Variants in ADCY10 observed in about 807,000 individuals in gnomAD.
The protein encoded by ADCY10 is adenylate cyclase 10, also known as adenylate cyclase type 10.
A neutral mutation model predicts 183.3 loss-of-function variants in ADCY10; 156 were observed. That is an observed-to-expected ratio of 0.85 (90% confidence interval 0.75 to 0.97). ADCY10 has a LOEUF of 0.97. Ranked by LOEUF, ADCY10 falls within the 50% of genes least tolerant of loss-of-function variation. ADCY10 has a pLI of 0.00. For synonymous variants in ADCY10, 645 were observed against 670.0 expected, an observed-to-expected ratio of 0.96 and a Z score of 0.58; for missense variants, 1,745 against 1,934.3, an observed-to-expected ratio of 0.90 and a Z score of 1.84.
chr1:167,878,889 G>A (rs1667680343), intron 11 of ADCY10, among the ~76,000 whole-genome samples: 1 of 152,144 alleles, frequency 6.6e-6, no homozygotes, highest in African/African-American at 2.4e-5. Context: ...GGGATGGAAG[G>A]GGCTTGAGTA....
At chr1:167,861,730 T>C (rs1168304601) in intron 14 of ADCY10, among the ~76,000 whole-genome samples, 1 of 152,254 alleles carries the variant, frequency 6.6e-6, no homozygotes, top group Non-Finnish European at 1.5e-5. Context: ...ATTCAACTTT[T>C]AATGCTATCT....
intron 14 of ADCY10, among the ~76,000 whole-genome samples, chr1:167,862,505 C>A (rs1002657572): frequency 6.6e-6 from 1 of 152,104 alleles, no homozygotes; most frequent in Non-Finnish European, 1.5e-5. Context: ...TCCTCATGGT[C>A]CAGAGAAGAA....
intron 8 of ADCY10, among the ~76,000 whole-genome samples, chr1:167,892,374 T>C (rs1668658699): frequency 6.6e-6 from 1 of 152,212 alleles, no homozygotes; most frequent in South Asian, 2.1e-4. Flanking sequence ...GGACTTCTCT[T>C]CTTTGGGTTC....
At chr1:167,870,793 GC>G in intron 13 of ADCY10, among the ~76,000 whole-genome samples, 1 of 147,434 alleles carries the variant, frequency 6.8e-6, no homozygotes, top group East Asian at 2.0e-4. Flanking sequence ...TGGGCGACAA[GC>G]AAAACTCCAT....
At chr1:167,815,286 A>G (rs1406653821) in intron 31 of ADCY10, among the ~76,000 whole-genome samples, 7 of 152,214 alleles carry the variant, frequency 4.6e-5, no homozygotes, top group African/African-American at 1.7e-4. Flanking sequence ...GAAGAGGAAA[A>G]GGAACCATTT....
Position 167,901,468 on chromosome 1 carries a change from T to G in ADCY10, c.436+194A>C, listed in dbSNP as rs139216857. Among the ~76,000 whole-genome samples the G allele has an allele frequency of 3.9e-3, 599 of 152,310 alleles. 2 individuals are homozygous for G. Among genetic ancestry groups the G allele is most frequent in the Admixed American group, 7.3e-3 (111 of 15,306 alleles). ...GTAATAGCTTATTAGGTAGATATTA[T>G]GATTAACCCAAATTCTCTCAACTGG... On this transcript the variant is annotated intron_variant, in intron 5 of 32. Transcript: ENST00000367851.
chr1:167,895,183 A>G (rs1219252901), intron 7 of ADCY10, among the ~76,000 whole-genome samples: 1 of 150,494 alleles, frequency 6.6e-6, no homozygotes, highest in Non-Finnish European at 1.5e-5. Flanking sequence ...TCCATCTCAA[A>G]AAAAAAAAAA....
chr1:167,820,329 G>A, intron 30 of ADCY10: 2 of 967,642 alleles, frequency 2.1e-6, no homozygotes, highest in African/African-American at 1.7e-5. Context: ...AGCCGGCCTT[G>A]AGGGGCGGGG....
At position 167,880,183 on chromosome 1, in the gene ADCY10, G is replaced by A; in HGVS notation, c.1148C>T (p.Ser383Phe). Residue 383 changes from serine (S) to phenylalanine (F), a missense_variant, in exon 11 of 33, where the codon TCC (serine) becomes TTC (phenylalanine). Ser to Phe is a radical substitution (Grantham distance 155, BLOSUM62 -2). Transcript: ENST00000367851. ...GACAATCCCACTGGCAACACCGATG[G>A]ATACAGTTCTGGTGCAGGGGAGACA... ...CSQVHKIQTVSIGVASGIVFC... is the reference protein window; with the variant it reads ...CSQVHKIQTVFIGVASGIVFC... 1.2e-6 allele frequency: 2 copies of A among 1,612,794 alleles called. No individual in the cohort carries two copies. The highest frequency in any genetic ancestry group is 1.1e-5 in the South Asian group (1 of 90,620).
At chr1:167,828,398 A>G (rs1002498265) in intron 26 of ADCY10, among the ~76,000 whole-genome samples, 1 of 152,232 alleles carries the variant, frequency 6.6e-6, no homozygotes, top group Non-Finnish European at 1.5e-5. Context: ...CTTTTTAAAA[A>G]AGAATTATCC....
At chr1:167,843,138 G>C (rs549947212) in intron 21 of ADCY10, among the ~76,000 whole-genome samples, 6 of 152,120 alleles carry the variant, frequency 3.9e-5, no homozygotes, top group Non-Finnish European at 7.4e-5. Flanking sequence ...AGAGACATTT[G>C]GTCATATATG....
intron 8 of ADCY10, among the ~76,000 whole-genome samples, chr1:167,887,062 A>ACCAG (rs1668271873): frequency 6.6e-6 from 1 of 152,268 alleles, no homozygotes; most frequent in Non-Finnish European, 1.5e-5. Context: ...GCTGGAGAGG[A>ACCAG]TGTGGAGAAA....
intron 11 of ADCY10, 67 bp downstream of exon 11, chr1:167,880,048 C>T (rs559665335): frequency 5.9e-5 from 84 of 1,417,280 alleles, no homozygotes; most frequent in Non-Finnish European, 7.0e-5. Flanking sequence ...TGCTTCCTCC[C>T]GCAAAGCCCA....
At chr1:167,819,149 C>T (rs114756756) in intron 30 of ADCY10, among the ~76,000 whole-genome samples, 6 of 151,990 alleles carry the variant, frequency 3.9e-5, no homozygotes, top group African/African-American at 1.4e-4. Flanking sequence ...ACAATTCTTA[C>T]ATTGCATGAA....
intron 5 of ADCY10, 64 bp downstream of exon 5, chr1:167,901,598 G>A (rs1471332735): frequency 6.6e-7 from 1 of 1,507,898 alleles, no homozygotes; most frequent in East Asian, 2.3e-5. Flanking sequence ...GGGAGAGAGA[G>A]ATGCCCCAGG....
intron 16 of ADCY10, among the ~76,000 whole-genome samples, chr1:167,859,557 A>G (rs978030069): frequency 6.6e-6 from 1 of 152,190 alleles, no homozygotes; most frequent in Non-Finnish European, 1.5e-5. Context: ...AAAGGATGAA[A>G]AAATGAGTGC....
chr1:167,861,147 C>T (rs1666254413), intron 14 of ADCY10, 84 bp from the exon 15 acceptor site: 2 of 1,156,572 alleles, frequency 1.7e-6, no homozygotes, highest in Non-Finnish European at 2.5e-6. Flanking sequence ...AAAGCTCTGT[C>T]TTCTCATATT....
rs572052087 is a variant in ADCY10, at chr1:167,864,038, C to T, written c.1617-2975G>A. Among the ~76,000 whole-genome samples, 82 of 152,340 alleles carry T rather than the reference C, an allele frequency of 5.4e-4. 1 individual carries two copies. Among genetic ancestry groups the T allele is most frequent in the Middle Eastern group, 6.8e-3 (2 of 294 alleles). On this transcript the variant is annotated intron_variant, in intron 14 of 32. Transcript: ENST00000367851. Reference sequence around the variant, plus strand: ...GCCTGATCTGATCACCCACGGTGTGCCTGTTCCGGCACTTTGGTTTTTGTT... The same window carrying T: ...GCCTGATCTGATCACCCACGGTGTGTCTGTTCCGGCACTTTGGTTTTTGTT...
At chr1:167,818,417 A>G (rs1299380522) in intron 30 of ADCY10, 150 bp from the exon 31 acceptor site, 1 of 783,454 alleles carries the variant, frequency 1.3e-6, no homozygotes, top group Non-Finnish European at 2.3e-6. Flanking sequence ...CACTCCCTAA[A>G]AAAGCAGGAA....
Sources: allele counts gnomAD v4.1 joint callset (sites outside exome capture counted in the v4.1 genomes callset), GRCh38; gene constraint gnomAD v4.1.1; transcripts MANE v1.5; gene names NCBI Gene and HGNC (gene_info 2026-07-23, HGNC 2026-07-21).